MBD5: variants seen among roughly 807,000 people sequenced by gnomAD.
The protein encoded by MBD5 is methyl-CpG-binding domain protein 5.
MBD5 carries 13 observed loss-of-function variants against 117.3 expected under a neutral mutation model. The ratio of observed to expected loss-of-function variants is 0.11; its 90% CI spans 0.07 to 0.18. The LOEUF (loss-of-function observed/expected upper bound fraction) is 0.18. Ranked by LOEUF, MBD5 falls within the 10% of genes least tolerant of loss-of-function variation. MBD5 has a pLI of 1.00. For synonymous variants in MBD5, 727 were observed against 766.4 expected, an observed-to-expected ratio of 0.95 and a Z score of 0.85; for missense variants, 1,879 against 2,093.8, an observed-to-expected ratio of 0.90 and a Z score of 2.00.
At chr2:148,277,793 A>G (rs1176884161) in intron 3 of MBD5, among the ~76,000 whole-genome samples, 1 of 152,158 alleles carries the variant, frequency 6.6e-6, no homozygotes, top group Non-Finnish European at 1.5e-5. Context: ...TGATTGGGAC[A>G]TAATTGATTA....
chr2:148,444,841 G>A (rs1706439714), intron 4 of MBD5, among the ~76,000 whole-genome samples: 2 of 151,070 alleles, frequency 1.3e-5, no homozygotes, highest in South Asian at 2.1e-4. Context: ...GCTCCTTAAG[G>A]TGAGGACTAC....
At position 148,207,455 on chromosome 2, in the gene MBD5, C is replaced by CAAA. The variant is rs3076428; in HGVS notation, c.-830-25782_-830-25780dup. ...GGAAGTAAAAAAGAAAAAAAAAGGACAAAAAAAAAACCCTTAAAAATAGGT... is the reference window on the plus strand; with the variant it reads ...GGAAGTAAAAAAGAAAAAAAAAGGACAAAAAAAAAAAAACCCTTAAAAATAGGT... On this transcript the variant is annotated intron_variant, in intron 2 of 13. Coordinates refer to ENST00000642680, the MANE Select transcript of MBD5 (RefSeq NM_001378120.1). Among the ~76,000 whole-genome samples the CAAA allele has an allele frequency of 7.1e-3, 1,027 of 145,234 alleles. 8 individuals carry two copies. The highest frequency in any genetic ancestry group is 0.013 in the African/African-American group (505 of 39,356).
intron 4 of MBD5, among the ~76,000 whole-genome samples, chr2:148,350,185 A>G (rs1703217741): frequency 6.6e-6 from 1 of 151,938 alleles, no homozygotes; most frequent in Non-Finnish European, 1.5e-5. Context: ...ATCATTATTC[A>G]CTATCCCCCA....
At chr2:148,122,567 G>A (rs1696795012) in intron 1 of MBD5, among the ~76,000 whole-genome samples, 1 of 152,144 alleles carries the variant, frequency 6.6e-6, no homozygotes, top group Admixed American at 6.6e-5. Context: ...TGAAGAGGTA[G>A]AGTTACTTAG....
At chr2:148,202,817 C>T (rs1699176042) in intron 2 of MBD5, among the ~76,000 whole-genome samples, 1 of 151,962 alleles carries the variant, frequency 6.6e-6, no homozygotes, top group South Asian at 2.1e-4. Context: ...CACTTGAGGT[C>T]AGGAGTTCGA....
At chr2:148,288,399 C>CAAAAAAAAAAAAAAAAAAAAAAAAAAAAA (rs569673565) in intron 3 of MBD5, among the ~76,000 whole-genome samples, 2 of 37,778 alleles carry the variant, frequency 5.3e-5, no homozygotes, top group African/African-American at 1.7e-4. Context: ...GACTCCGTCT[C>CAAAAAAAAAAAAAAAAAAAAAAAAAAAAA]AAAAAAAAAA....
chr2:148,206,285 C>G (rs901949214), intron 2 of MBD5, among the ~76,000 whole-genome samples: 1 of 152,042 alleles, frequency 6.6e-6, no homozygotes, highest in African/African-American at 2.4e-5. Flanking sequence ...TAACATTTTA[C>G]TAAGGGGAAT....
chr2:148,407,814 A>T (rs1316197438), intron 4 of MBD5, among the ~76,000 whole-genome samples: 2 of 152,082 alleles, frequency 1.3e-5, no homozygotes, highest in Non-Finnish European at 2.9e-5. Context: ...TTAGTGTAAA[A>T]ATTCATAGTT....
intron 4 of MBD5, among the ~76,000 whole-genome samples, chr2:148,369,672 T>A (rs1358873167): frequency 6.6e-6 from 1 of 152,198 alleles, no homozygotes; most frequent in Non-Finnish European, 1.5e-5. Flanking sequence ...TTTCTTTTTG[T>A]TGTAATACTT....
Position 148,468,635 on chromosome 2 carries a change from T to C in MBD5, c.692T>C (p.Ile231Thr), listed in dbSNP as rs199530726. The C allele has an allele frequency of 3.7e-5, 59 of 1,613,856 alleles. No homozygotes were observed. Among genetic ancestry groups the C allele is most frequent in the Admixed American group, 1.5e-4 (9 of 59,978 alleles). The change falls in exon 8 of 14, where the codon ATA (isoleucine) becomes ACA (threonine). Residue 231 changes from isoleucine (I) to threonine (T), a missense_variant. Ile to Thr is a moderately conservative substitution (Grantham distance 89). Around this residue, in one of 4 missense-constraint regions of MBD5, gnomAD observed 1,666 missense variants for 1,792.2 expected, o/e 0.93. Transcript: ENST00000642680. ...LPSPASSGSQIYGDGSISPRT... is the reference protein window; with the variant it reads ...LPSPASSGSQTYGDGSISPRT... The stretch of plus-strand genomic sequence containing the variant: ...AGCCCAGCGTCATCAGGTTCCCAGA[T>C]ATATGGAGATGGTTCAATCTCTCCA...
At chr2:148,149,695 G>C (rs1697585970) in intron 1 of MBD5, among the ~76,000 whole-genome samples, 1 of 152,200 alleles carries the variant, frequency 6.6e-6, no homozygotes, top group African/African-American at 2.4e-5. Context: ...GGCCAGTGAT[G>C]ATGAGCATTT....
chr2:148,480,241 G>A (rs1001148308), intron 8 of MBD5, among the ~76,000 whole-genome samples: 2 of 151,884 alleles, frequency 1.3e-5, no homozygotes, highest in Non-Finnish European at 2.9e-5. Flanking sequence ...TCTATACTTC[G>A]CTTCTTCTAA....
At position 148,036,051 on chromosome 2, in the gene MBD5, T is replaced by C. The variant is rs150784350; in HGVS notation, c.-925+14367T>C. ...ACAATAAAACAAATTCTATTTATAG[T>C]TCTTTGAAATGTATACCAGACTTTT... On this transcript the variant is annotated intron_variant, in intron 1 of 13. Coordinates refer to ENST00000642680, the MANE Select transcript of MBD5 (RefSeq NM_001378120.1). Among the ~76,000 whole-genome samples, 356 of 152,336 alleles carry C rather than the reference T, an allele frequency of 2.3e-3. 2 individuals carry two copies. Among genetic ancestry groups the C allele is most frequent in the African/African-American group, 7.9e-3 (329 of 41,590 alleles).
chr2:148,485,736 C>A lies in MBD5; in HGVS notation c.3545-6C>A. 1.3e-6 allele frequency: 2 copies of A among 1,598,202 alleles called. No individual in the cohort carries two copies. Among genetic ancestry groups the A allele is most frequent in the South Asian group, 1.1e-5 (1 of 90,076 alleles). On this transcript the variant is annotated splice_region_variant and splice_polypyrimidine_tract_variant and intron_variant, in intron 9 of 13. Transcript: ENST00000642680. ...TTATTTATATTTTATGTTTTTCAAACTGTAGGTGATATGTCATCAATAAAC... is the reference window on the plus strand; with the variant it reads ...TTATTTATATTTTATGTTTTTCAAAATGTAGGTGATATGTCATCAATAAAC...
intron 2 of MBD5, among the ~76,000 whole-genome samples, chr2:148,196,685 T>C (rs539734061): frequency 5.3e-4 from 80 of 152,342 alleles, no homozygotes; most frequent in Admixed American, 1.2e-3. Context: ...TAACCTAGCT[T>C]ACCAAATGGG....
At chr2:148,446,602 C>CTATGTGTGTGTGTGTGTGTGTGTG (rs1553516216) in intron 4 of MBD5, among the ~76,000 whole-genome samples, 1 of 148,784 alleles carries the variant, frequency 6.7e-6, no homozygotes, top group Non-Finnish European at 1.5e-5. Context: ...GATTATTTAT[C>CTATGTGTGTGTGTGTGTGTGTGTG]TGTGTGTGTG....
rs1681465796 is a variant in MBD5, at chr2:148,489,878, G to A, written c.4246G>A (p.Glu1416Lys). ...AAATGTGAACGAAGGAGATGGGTTT[G>A]AATATTTCAAGTCAGCAAGTTGCCA... ...GKNVNEGDGF[E>K]YFKSASCHTS... is the part of the protein sequence containing the mutation. Residue 1416 changes from glutamate to lysine, a missense_variant, in exon 11 of 14, where the codon GAA (glutamate) becomes AAA (lysine). Physicochemically the swap from Glu to Lys is moderately conservative, Grantham distance 56 (BLOSUM62 1). Around this residue, in one of 4 missense-constraint regions of MBD5, gnomAD observed 1,666 missense variants for 1,792.2 expected, o/e 0.93. Transcript: ENST00000642680. The A allele has an allele frequency of 6.2e-7, 1 of 1,614,150 alleles. No homozygotes were observed. Among genetic ancestry groups the A allele is most frequent in the South Asian group, 1.1e-5 (1 of 91,076 alleles).
At chr2:148,046,447 C>G (rs1297209647) in intron 1 of MBD5, among the ~76,000 whole-genome samples, 1 of 152,136 alleles carries the variant, frequency 6.6e-6, no homozygotes, top group Non-Finnish European at 1.5e-5. Flanking sequence ...TGAGGTCTTT[C>G]AAACTGAGTA....
intron 4 of MBD5, among the ~76,000 whole-genome samples, chr2:148,450,328 A>T (rs1574437771): frequency 6.6e-6 from 1 of 152,340 alleles, no homozygotes; most frequent in East Asian, 1.9e-4. Context: ...GTTAACCAGT[A>T]ATGCTATGTA....
Sources: gnomAD v4.1 joint callset for allele counts (sites outside exome capture counted in the v4.1 genomes callset) on GRCh38, gnomAD v4.1.1 for gene constraint, gnomAD v4.1.1 regional missense constraint, MANE v1.5 for transcripts, NCBI Gene and HGNC (gene_info 2026-07-23, HGNC 2026-07-21) for gene names.